The following OTUD7A variants were observed in gnomAD, a reference collection of about 807,000 sequenced individuals.
The protein encoded by OTUD7A is OTU deubiquitinase 7A.
Under a neutral mutation model 65.7 loss-of-function variants are expected in OTUD7A, and 12 were observed. The ratio of observed to expected loss-of-function variants is 0.18; its 90% CI spans 0.12 to 0.30. OTUD7A has a LOEUF of 0.30. Ranked by LOEUF, OTUD7A falls within the 10% of genes least tolerant of loss-of-function variation. OTUD7A has a pLI of 1.00. For synonymous variants in OTUD7A, 641 were observed against 586.3 expected (o/e 1.09, Z -1.35); for missense variants, 1,148 against 1,304.8 (o/e 0.88, Z 1.85).
chr15:31,506,985 A>G (rs990228554), intron 8 of OTUD7A, among the ~76,000 whole-genome samples: 21 of 152,330 alleles, frequency 1.4e-4, no homozygotes, highest in African/African-American at 5.0e-4. Flanking sequence ...TAATAGTGTA[A>G]TAATTGTTTT....
intron 9 of OTUD7A, among the ~76,000 whole-genome samples, chr15:31,503,178 T>A (rs2041498611): frequency 6.6e-6 from 1 of 152,228 alleles, no homozygotes; most frequent in South Asian, 2.1e-4. Context: ...TAGAAGGGGC[T>A]GTGCACAGAG....
chr15:31,791,501 C>T (rs1895814742), intron 1 of OTUD7A, among the ~76,000 whole-genome samples: 1 of 152,032 alleles, frequency 6.6e-6, no homozygotes, highest in African/African-American at 2.4e-5. Flanking sequence ...ATGAAATGCC[C>T]ACATCTCTGC....
At chr15:31,746,752 T>TTA (rs1386312406) in intron 1 of OTUD7A, among the ~76,000 whole-genome samples, 2 of 152,196 alleles carry the variant, frequency 1.3e-5, no homozygotes, top group African/African-American at 4.8e-5. Context: ...TGCCTCTGCC[T>TTA]CCCAAAGTGC....
At chr15:31,816,969 T>C (rs1354034359) in intron 1 of OTUD7A, among the ~76,000 whole-genome samples, 1 of 152,094 alleles carries the variant, frequency 6.6e-6, no homozygotes, top group East Asian at 1.9e-4. Context: ...AGAAACCAAA[T>C]AACCCCAAAA....
chr15:31,695,036 G>A (rs1239499091), intron 1 of OTUD7A, among the ~76,000 whole-genome samples: 3 of 152,020 alleles, frequency 2.0e-5, no homozygotes, highest in Non-Finnish European at 2.9e-5. Context: ...TAGTAGAGAC[G>A]GGGTTTCACC....
intron 10 of OTUD7A, among the ~76,000 whole-genome samples, chr15:31,493,059 A>G (rs1458092333): frequency 1.3e-5 from 2 of 152,058 alleles, no homozygotes; most frequent in Admixed American, 6.6e-5. Flanking sequence ...TACAAAAATT[A>G]GCTGGGCATG....
At chr15:31,840,218 A>G (rs1897150072) in intron 1 of OTUD7A, among the ~76,000 whole-genome samples, 1 of 152,072 alleles carries the variant, frequency 6.6e-6, no homozygotes, top group Admixed American at 6.5e-5. Context: ...TCAGGAGTTC[A>G]AGACCAGCCT....
rs1893404254 is a variant in OTUD7A, at chr15:31,710,119, G to T, written c.-99-53042C>A. On this transcript the variant is annotated intron_variant, in intron 1 of 12. Coordinates refer to ENST00000307050, the MANE Select transcript of OTUD7A (RefSeq NM_001382637.1). ...GCACTGATTTTGTAATAGAAATAAGGAATAAAAATGTTATCAGTCACAGCC... is the reference window on the plus strand; with the variant it reads ...GCACTGATTTTGTAATAGAAATAAGTAATAAAAATGTTATCAGTCACAGCC... Among the ~76,000 whole-genome samples, 9 of 151,840 alleles carry T rather than the reference G, an allele frequency of 5.9e-5. No homozygotes were observed. In the South Asian group the frequency reaches 1.9e-3, roughly 32 times the overall value.
chr15:31,645,594 A>G, intron 3 of OTUD7A, among the ~76,000 whole-genome samples: 1 of 152,372 alleles, frequency 6.6e-6, no homozygotes, highest in Middle Eastern at 3.4e-3. Context: ...TAATAAAAAT[A>G]TCATATCTAA....
rs1220039478 is a variant in OTUD7A, at chr15:31,669,591, A to G, written c.-99-12514T>C. Among the ~76,000 whole-genome samples, 269 of 151,870 alleles carry G rather than the reference A, an allele frequency of 1.8e-3. 1 individual carries two copies. The highest frequency in any genetic ancestry group is 6.1e-3 in the Admixed American group (93 of 15,268). ...TACCTGCTTCCCAGCTAGAAAGAAA[A>G]GGGCTTGGTTCTACCCCCGCCTGTG... is the stretch of plus-strand genomic sequence containing the variant. On this transcript the variant is annotated intron_variant, in intron 1 of 12. Transcript: ENST00000307050.
At chr15:31,784,603 TA>T (rs1300835979) in intron 1 of OTUD7A, among the ~76,000 whole-genome samples, 2 of 152,158 alleles carry the variant, frequency 1.3e-5, no homozygotes, top group Non-Finnish European at 2.9e-5. Context: ...TTAACAGACA[TA>T]CCCCACAAAG....
chr15:31,696,768 G>C (rs1467810604), intron 1 of OTUD7A, among the ~76,000 whole-genome samples: 2 of 152,006 alleles, frequency 1.3e-5, no homozygotes, highest in East Asian at 3.9e-4. Flanking sequence ...ATGGGGGTGG[G>C]TGCCCACTTG....
At chr15:31,722,438 G>A (rs1346312136) in intron 1 of OTUD7A, among the ~76,000 whole-genome samples, 4 of 152,210 alleles carry the variant, frequency 2.6e-5, no homozygotes, top group Non-Finnish European at 4.4e-5. Flanking sequence ...GGTGCCCACC[G>A]ACTCCAAACA....
intron 1 of OTUD7A, among the ~76,000 whole-genome samples, chr15:31,661,170 T>G (rs1163075359): frequency 6.6e-6 from 1 of 152,248 alleles, no homozygotes; most frequent in Admixed American, 6.5e-5. Context: ...CATAATTTTC[T>G]CCTAGTATGG....
chr15:31,546,545 G>A (rs976966751), intron 5 of OTUD7A, among the ~76,000 whole-genome samples: 1 of 152,178 alleles, frequency 6.6e-6, no homozygotes, highest in Non-Finnish European at 1.5e-5. Flanking sequence ...AGAATACAGT[G>A]AGAAGGCAGC....
intron 1 of OTUD7A, among the ~76,000 whole-genome samples, chr15:31,855,681 G>A (rs1289255434): frequency 6.6e-6 from 1 of 152,210 alleles, no homozygotes; most frequent in East Asian, 1.9e-4. Context: ...GTTATAGGGT[G>A]AGTAACAAAA....
intron 5 of OTUD7A, among the ~76,000 whole-genome samples, chr15:31,553,888 C>T (rs1888406608): frequency 6.6e-6 from 1 of 152,152 alleles, no homozygotes; most frequent in Non-Finnish European, 1.5e-5. Context: ...CAGCCAGAAT[C>T]TGTCAGATGT....
intron 1 of OTUD7A, among the ~76,000 whole-genome samples, chr15:31,754,292 C>T (rs1383871979): frequency 3.3e-5 from 5 of 152,074 alleles, no homozygotes; most frequent in Non-Finnish European, 5.9e-5. Context: ...TGAAGATTTT[C>T]TCCCACTCTG....
At chr15:31,817,895 G>A (rs1289456968) in intron 1 of OTUD7A, among the ~76,000 whole-genome samples, 1 of 152,236 alleles carries the variant, frequency 6.6e-6, no homozygotes, top group African/African-American at 2.4e-5. Context: ...CAAGGTGGTG[G>A]TATTAAAAGC....
Sources: allele counts gnomAD v4.1 joint callset (sites outside exome capture counted in the v4.1 genomes callset), GRCh38; gene constraint gnomAD v4.1.1; transcripts MANE v1.5; gene names NCBI Gene and HGNC (gene_info 2026-07-23, HGNC 2026-07-21).